ESRRG: variants seen among roughly 807,000 people sequenced by gnomAD.
ESRRG encodes the protein estrogen-related receptor gamma.
In ESRRG, 13 loss-of-function variants were observed where a neutral mutation model predicts 44.0. The ratio of observed to expected loss-of-function variants is 0.30; its 90% CI spans 0.19 to 0.47. ESRRG has a LOEUF of 0.47. Among genes scored for constraint, ESRRG ranks in the 20% least tolerant of loss-of-function variants. The pLI is 1.00. For missense variants in ESRRG, 395 were observed against 580.6 expected (o/e 0.68, Z 3.29); for synonymous variants, 215 against 214.6 (o/e 1.00, Z -0.02).
At chr1:216,960,717 C>T (rs746800738) in intron 1 of ESRRG, among the ~76,000 whole-genome samples, 21 of 152,054 alleles carry the variant, frequency 1.4e-4, no homozygotes, top group African/African-American at 1.9e-4. Flanking sequence ...TCCTGAGTAG[C>T]TGGGACTATA....
chr1:216,654,366 C>T (rs1461559550), intron 2 of ESRRG, among the ~76,000 whole-genome samples: 1 of 152,050 alleles, frequency 6.6e-6, no homozygotes, highest in Admixed American at 6.6e-5. Flanking sequence ...ATGGCTCACA[C>T]CTGTAATCCA....
intron 3 of ESRRG, among the ~76,000 whole-genome samples, chr1:216,584,318 G>A (rs895971670): frequency 5.0e-4 from 75 of 150,690 alleles, no homozygotes; most frequent in African/African-American, 1.1e-3. Flanking sequence ...GTGCAGTGGC[G>A]TGATCTCGGC....
At chr1:217,026,435 G>T (rs7523193) in intron 1 of ESRRG, among the ~76,000 whole-genome samples, 12,892 of 152,190 alleles carry the variant, frequency 0.085, 1,422 homozygotes, top group African/African-American at 0.25. Flanking sequence ...TAAAGAATAG[G>T]TAAAATGTAT....
chr1:216,614,680 G>A (rs906201608), intron 3 of ESRRG, among the ~76,000 whole-genome samples: 1 of 152,196 alleles, frequency 6.6e-6, no homozygotes, highest in African/African-American at 2.4e-5. Flanking sequence ...AAGTGTTCCT[G>A]TTGAGAAGAG....
At chr1:216,560,861 A>T (rs1239071406) in intron 5 of ESRRG, among the ~76,000 whole-genome samples, 2 of 152,216 alleles carry the variant, frequency 1.3e-5, no homozygotes, top group African/African-American at 4.8e-5. Context: ...GAAATAAAAA[A>T]GAGTCAGGCA....
At chr1:216,681,457 C>A (rs2077018150) in intron 1 of ESRRG, among the ~76,000 whole-genome samples, 1 of 152,064 alleles carries the variant, frequency 6.6e-6, no homozygotes, top group Non-Finnish European at 1.5e-5. Context: ...CCCCACCCGA[C>A]AACAGGCCCC....
chr1:217,046,515 G>C (rs1470326822), intron 1 of ESRRG, among the ~76,000 whole-genome samples: 2 of 152,052 alleles, frequency 1.3e-5, no homozygotes, highest in Non-Finnish European at 2.9e-5. Context: ...CTCTCATCAA[G>C]AATTTTGCAA....
chr1:216,613,136 G>C (rs2060901340), intron 3 of ESRRG, among the ~76,000 whole-genome samples: 1 of 152,082 alleles, frequency 6.6e-6, no homozygotes, highest in Non-Finnish European at 1.5e-5. Context: ...GGTTACTGTT[G>C]GGAATTTTTC....
intron 1 of ESRRG, among the ~76,000 whole-genome samples, chr1:217,010,196 C>A (rs2078367885): frequency 6.6e-6 from 1 of 152,106 alleles, no homozygotes; most frequent in Admixed American, 6.5e-5. Context: ...TAGTCATTAA[C>A]ACAATTTCTG....
chr1:216,754,220 C>T (rs912350685), intron 2 of ESRRG, among the ~76,000 whole-genome samples: 2 of 151,998 alleles, frequency 1.3e-5, no homozygotes, highest in African/African-American at 4.8e-5. Flanking sequence ...GACCTTGACC[C>T]AGCCTATACA....
At chr1:216,550,714 A>G (rs566348613) in intron 5 of ESRRG, among the ~76,000 whole-genome samples, 273 of 152,304 alleles carry the variant, frequency 1.8e-3, no homozygotes, top group African/African-American at 6.4e-3. Context: ...AATCAGTTCT[A>G]TATTCCCATA....
In ESRRG at chr1:216,912,189, AGGAGAGGAGAGGAGAGGAGAGGAGAGG is replaced by A. The variant is rs1560083691; in HGVS notation, c.-14+27366_-14+27392del. 1.0e-3 allele frequency among the ~76,000 whole-genome samples: 42 copies of A among 41,108 alleles called. 6 individuals are homozygous for A. The highest frequency in any genetic ancestry group is 3.7e-3 in the Admixed American group (14 of 3,742). 27.0% of individuals were successfully genotyped at this position (41,108 alleles called of 152,430 possible). ...AGAAAAGAAAAGAAAAGAAAAGGAG[AGGAGAGGAGAGGAGAGGAGAGGAGAGG>A]AGAGGAGAGGAGAGGAGAGGAGAGG... On this transcript the variant is annotated intron_variant, in intron 2 of 7. Transcript: ENST00000359162.
At position 216,519,176 on chromosome 1, in the gene ESRRG, T is replaced by G. The variant is rs1416987858; in HGVS notation, c.1108A>C (p.Lys370Gln). 1 of 1,613,784 alleles carries G rather than the reference T, an allele frequency of 6.2e-7. No individual in the cohort carries two copies. The highest frequency in any genetic ancestry group is 8.5e-7 in the Non-Finnish European group (1 of 1,179,802). Residue 370 changes from lysine (K) to glutamine (Q), a missense_variant, in exon 6 of 7, where the codon AAA becomes CAA. By Grantham distance (53) the Lys-to-Gln change is moderately conservative. Transcript: ENST00000408911. ...KLEKEEFVTL[K>Q]AIALANSDSM... The stretch of plus-strand genomic sequence containing the variant: ...CCTGAATTAGCAAGAGCTATAGCTT[T>G]GAGGGTGACAAATTCTTCTTTTTCC...
At chr1:216,902,664 C>T (rs141570502) in intron 2 of ESRRG, among the ~76,000 whole-genome samples, 6 of 152,222 alleles carry the variant, frequency 3.9e-5, no homozygotes, top group African/African-American at 1.4e-4. Context: ...GTAAATAGTC[C>T]CATCTCTTCT....
intron 2 of ESRRG, among the ~76,000 whole-genome samples, chr1:216,667,826 C>T (rs1301142803): frequency 2.0e-5 from 3 of 151,660 alleles, no homozygotes; most frequent in Non-Finnish European, 2.9e-5. Flanking sequence ...AGGCTGGGCG[C>T]GGTGGCTCAC....
At chr1:216,986,610 C>T (rs2074917564) in intron 1 of ESRRG, among the ~76,000 whole-genome samples, 1 of 151,926 alleles carries the variant, frequency 6.6e-6, no homozygotes, top group South Asian at 2.1e-4. Flanking sequence ...GGCTGTGGTC[C>T]CAGCTACTCG....
chr1:216,671,663 G>A (rs2075206114), intron 2 of ESRRG, among the ~76,000 whole-genome samples: 1 of 152,068 alleles, frequency 6.6e-6, no homozygotes, highest in Non-Finnish European at 1.5e-5. Flanking sequence ...CTTGGGCCTG[G>A]CTTTATATAA....
intron 2 of ESRRG, among the ~76,000 whole-genome samples, chr1:216,666,005 T>C (rs189465195): frequency 9.5e-4 from 144 of 152,252 alleles, no homozygotes; most frequent in Middle Eastern, 3.4e-3. Context: ...TGCCCTGGGC[T>C]TTACCAAAAA....
Position 217,104,229 on chromosome 1 carries a change from A to C in ESRRG, c.-230+33438T>G, listed in dbSNP as rs183760179. Among the ~76,000 whole-genome samples the C allele has an allele frequency of 2.0e-4, 31 of 152,338 alleles. No individual in the cohort carries two copies. The East Asian group carries it at 6.0e-3, about 29-fold the overall frequency. On this transcript the variant is annotated intron_variant, in intron 1 of 8. Coordinates refer to the ESRRG transcript ENST00000366940. Reference sequence around the variant, plus strand: ...TGTGTCTCTTGTAGCCCCTGTGAACAGCATGGGTGTGGACAGCACCTTGAG... The same window carrying C: ...TGTGTCTCTTGTAGCCCCTGTGAACCGCATGGGTGTGGACAGCACCTTGAG...
Sources: gnomAD v4.1 joint callset for allele counts (sites outside exome capture counted in the v4.1 genomes callset) on GRCh38, gnomAD v4.1.1 for gene constraint, MANE v1.5 for transcripts, NCBI Gene and HGNC (gene_info 2026-07-23, HGNC 2026-07-21) for gene names.